Variants in DSCAM observed in about 807,000 individuals in gnomAD.
DSCAM encodes the protein cell adhesion molecule DSCAM.
In DSCAM, 47 loss-of-function variants were observed where a neutral mutation model predicts 217.7. That is an observed-to-expected ratio of 0.22 (90% CI 0.17 to 0.28). The LOEUF (loss-of-function observed/expected upper bound fraction) is 0.28. Among genes scored for constraint, DSCAM ranks in the 10% least tolerant of loss-of-function variants. The probability of loss-of-function intolerance (pLI) is 1.00; values close to 1 mark genes in which losing one functional copy is unlikely to be tolerated. For missense variants in DSCAM, 2,080 were observed against 2,618.3 expected (o/e 0.79, Z 4.49); for synonymous variants, 1,056 against 1,015.3 (o/e 1.04, Z -0.76).
At chr21:40,100,418 C>T (rs116893465) in intron 20 of DSCAM, among the ~76,000 whole-genome samples, 1,709 of 152,214 alleles carry the variant, frequency 0.011, 16 homozygotes, top group Non-Finnish European at 0.014. Context: ...ATAGCATGGA[C>T]TATATTTATA....
intron 3 of DSCAM, among the ~76,000 whole-genome samples, chr21:40,663,279 ATATG>A (rs2090161745): frequency 7.2e-6 from 1 of 139,706 alleles, no homozygotes. Flanking sequence ...GGGGGGGTGT[ATATG>A]TGTGTGTGTG....
chr21:40,598,947 C>T (rs2103480), intron 3 of DSCAM, among the ~76,000 whole-genome samples: 52,880 of 152,060 alleles, frequency 0.35, 9,849 homozygotes, highest in African/African-American at 0.48. Context: ...TATTTAACGA[C>T]ATATAATGCT....
rs538168728 is a variant in DSCAM at position 40,279,778 on chromosome 21, C to T, written c.2183-3508G>A. Among the ~76,000 whole-genome samples the T allele has an allele frequency of 6.6e-5, 10 of 152,216 alleles. No homozygotes were observed. The South Asian group carries it at 1.5e-3, about 22-fold the overall frequency. ...AAGAAAATGTGGCACACATGCTTCA[C>T]GGAATACTATGCAGCCATAAAATAG... On this transcript the variant is annotated intron_variant, in intron 10 of 32. Coordinates refer to ENST00000400454, the MANE Select transcript of DSCAM (RefSeq NM_001389.5).
At chr21:40,743,422 G>T (rs1289397993) in intron 1 of DSCAM, among the ~76,000 whole-genome samples, 2 of 151,980 alleles carry the variant, frequency 1.3e-5, no homozygotes, top group Non-Finnish European at 2.9e-5. Context: ...CTGTCACCTG[G>T]AACAAATAAG....
intron 3 of DSCAM, among the ~76,000 whole-genome samples, chr21:40,581,192 G>A (rs1435639614): frequency 6.6e-6 from 1 of 152,186 alleles, no homozygotes; most frequent in Non-Finnish European, 1.5e-5. Context: ...TGGTCCTCTG[G>A]CAGAAGCTGG....
intron 1 of DSCAM, among the ~76,000 whole-genome samples, chr21:40,838,201 T>C (rs1245382674): frequency 6.6e-6 from 1 of 152,248 alleles, no homozygotes; most frequent in African/African-American, 2.4e-5. Flanking sequence ...TATGATACAA[T>C]CACAGAAATG....
intron 2 of DSCAM, among the ~76,000 whole-genome samples, chr21:40,695,840 A>G (rs1416583723): frequency 1.3e-5 from 2 of 152,138 alleles, no homozygotes; most frequent in African/African-American, 2.4e-5. Flanking sequence ...AAAAAATGCA[A>G]ATCAGGGTTT....
chr21:40,154,207 T>C (rs944870643), intron 16 of DSCAM, among the ~76,000 whole-genome samples: 1 of 151,070 alleles, frequency 6.6e-6, no homozygotes, highest in African/African-American at 2.4e-5. Context: ...CTTCCTCCCT[T>C]CCTTTCCTTC....
chr21:40,337,988 A>T, intron 8 of DSCAM, 113 bp downstream of exon 8: 2 of 1,340,412 alleles, frequency 1.5e-6, no homozygotes, highest in Non-Finnish European at 2.1e-6. Flanking sequence ...CAGCCTGTAC[A>T]ATTATCCTGC....
chr21:40,039,385 GTATT>G (rs57980575), intron 32 of DSCAM, among the ~76,000 whole-genome samples: 103,367 of 151,128 alleles, frequency 0.68, 35,436 homozygotes, highest in South Asian at 0.72. Context: ...ATGTCCTTTT[GTATT>G]TATTTGACTA....
At chr21:40,413,898 T>C (rs905277196) in intron 3 of DSCAM, among the ~76,000 whole-genome samples, 1 of 152,074 alleles carries the variant, frequency 6.6e-6, no homozygotes, top group Admixed American at 6.6e-5. Flanking sequence ...TGAACATACA[T>C]AGGGGAAAAA....
intron 1 of DSCAM, among the ~76,000 whole-genome samples, chr21:40,745,529 T>C (rs1345368268): frequency 1.3e-5 from 2 of 152,160 alleles, no homozygotes; most frequent in Non-Finnish European, 2.9e-5. Context: ...GGAAAGAACC[T>C]TGTAGCCAAG....
chr21:40,168,814 A>G (rs1162144221), intron 15 of DSCAM, among the ~76,000 whole-genome samples: 1 of 152,002 alleles, frequency 6.6e-6, no homozygotes, highest in Non-Finnish European at 1.5e-5. Context: ...GGGCCATTTG[A>G]GTTTTTTCTG....
chr21:40,346,572 T>A lies in DSCAM; in HGVS notation c.1210+1098A>T, dbSNP rs368717643. ...CCAACAAGACACACAAATACATAGATAGAAGCTAGTTCAATCAGGTAGTGA... is the reference window on the plus strand; with the variant it reads ...CCAACAAGACACACAAATACATAGAAAGAAGCTAGTTCAATCAGGTAGTGA... On this transcript the variant is annotated intron_variant, in intron 6 of 32. Coordinates refer to ENST00000400454, the MANE Select transcript of DSCAM (RefSeq NM_001389.5). 7.9e-5 allele frequency among the ~76,000 whole-genome samples: 12 copies of A among 152,290 alleles called. No homozygotes were observed. The East Asian group carries it at 2.1e-3, about 27-fold the overall frequency.
At chr21:40,194,608 C>T (rs2090987768) in intron 11 of DSCAM, among the ~76,000 whole-genome samples, 1 of 152,220 alleles carries the variant, frequency 6.6e-6, no homozygotes, top group Non-Finnish European at 1.5e-5. Flanking sequence ...TGCTGTTTTA[C>T]ATCATATCAA....
At chr21:40,720,947 C>A (rs559756780) in intron 1 of DSCAM, among the ~76,000 whole-genome samples, 2 of 152,076 alleles carry the variant, frequency 1.3e-5, no homozygotes, top group Non-Finnish European at 2.9e-5. Flanking sequence ...TATTTGCATG[C>A]GTGTAAGAAA....
At chr21:40,497,755 CAAAT>C (rs1247687230) in intron 3 of DSCAM, among the ~76,000 whole-genome samples, 5 of 152,120 alleles carry the variant, frequency 3.3e-5, no homozygotes, top group Admixed American at 6.6e-5. Context: ...TGTCAATATA[CAAAT>C]AAATTGTTTA....
intron 3 of DSCAM, among the ~76,000 whole-genome samples, chr21:40,450,251 A>G (rs1416270703): frequency 2.0e-5 from 3 of 152,226 alleles, no homozygotes; most frequent in Admixed American, 2.0e-4. Context: ...TTGCTTTGAT[A>G]CTGGGAAAAC....
At chr21:40,757,297 T>C (rs1197747511) in intron 1 of DSCAM, among the ~76,000 whole-genome samples, 1 of 152,192 alleles carries the variant, frequency 6.6e-6, no homozygotes, top group African/African-American at 2.4e-5. Context: ...AGTGCTGGGA[T>C]TACAGGCGTA....
Sources: gnomAD v4.1 joint callset for allele counts (sites outside exome capture counted in the v4.1 genomes callset) on GRCh38, gnomAD v4.1.1 for gene constraint, MANE v1.5 for transcripts, NCBI Gene and HGNC (gene_info 2026-07-23, HGNC 2026-07-21) for gene names.